POU2F1: variants seen among roughly 807,000 people sequenced by gnomAD.
POU2F1 encodes the protein POU domain, class 2, transcription factor 1.
A neutral mutation model predicts 84.9 loss-of-function variants in POU2F1; 16 were observed. That is an observed-to-expected ratio of 0.19 (90% CI 0.13 to 0.29). The LOEUF (loss-of-function observed/expected upper bound fraction) is 0.29, where lower values mean the gene tolerates loss of function less well. Among genes scored for constraint, POU2F1 ranks in the 10% least tolerant of loss-of-function variants. The probability of loss-of-function intolerance (pLI) is 1.00; values close to 1 mark genes in which losing one functional copy is unlikely to be tolerated. For missense variants in POU2F1, 738 were observed against 942.6 expected, an observed-to-expected ratio of 0.78 and a Z score of 2.84; for synonymous variants, 368 against 368.3, an observed-to-expected ratio of 1.00 and a Z score of 0.01.
In POU2F1 at chr1:167,411,943, CTGTT is replaced by C. The variant is rs768598064; in HGVS notation, c.1556-12_1556-9del. 6 of 1,599,566 alleles carry C rather than the reference CTGTT, an allele frequency of 3.8e-6. No homozygotes were observed. Among genetic ancestry groups the C allele is most frequent in the South Asian group, 1.1e-5 (1 of 89,066 alleles). ...CATTTACAAAAGGTCATCTTCTAATCTGTTTGTCTTTTCAGGCACTTCAGACACC... is the reference window on the plus strand; with the variant it reads ...CATTTACAAAAGGTCATCTTCTAATCTGTCTTTTCAGGCACTTCAGACACC... On this transcript the variant is annotated splice_polypyrimidine_tract_variant and intron_variant, in intron 13 of 15. Coordinates refer to ENST00000367866, the MANE Select transcript of POU2F1 (RefSeq NM_002697.4).
intron 1 of POU2F1, among the ~76,000 whole-genome samples, chr1:167,270,497 A>G (rs1652292194): frequency 6.6e-6 from 1 of 152,190 alleles, no homozygotes; most frequent in African/African-American, 2.4e-5. Flanking sequence ...TTGTCTGTGT[A>G]GGATGTTCTA....
chr1:167,222,514 T>C (rs888686872), intron 1 of POU2F1, among the ~76,000 whole-genome samples: 7 of 152,158 alleles, frequency 4.6e-5, no homozygotes, highest in African/African-American at 1.4e-4. Context: ...CGCAGGGCTC[T>C]GAGATCAAAC....
intron 1 of POU2F1, among the ~76,000 whole-genome samples, chr1:167,323,550 G>A (rs1021040403): frequency 2.0e-5 from 3 of 152,194 alleles, no homozygotes; most frequent in African/African-American, 7.2e-5. Context: ...CCTGTTTGAT[G>A]CACTATCTGA....
At chr1:167,223,519 G>A (rs1348665494) in intron 1 of POU2F1, among the ~76,000 whole-genome samples, 1 of 152,122 alleles carries the variant, frequency 6.6e-6, no homozygotes, top group African/African-American at 2.4e-5. Flanking sequence ...TATTAGAGGA[G>A]TGGGGTTTAA....
intron 1 of POU2F1, among the ~76,000 whole-genome samples, chr1:167,290,647 TTGAG>T (rs1557871865): frequency 2.0e-5 from 3 of 152,232 alleles, no homozygotes; most frequent in Non-Finnish European, 4.4e-5. Flanking sequence ...AAATTGTTTG[TTGAG>T]TGAGTGAATG....
intron 1 of POU2F1, among the ~76,000 whole-genome samples, chr1:167,250,738 A>G (rs944815603): frequency 2.6e-5 from 4 of 152,228 alleles, no homozygotes; most frequent in African/African-American, 9.6e-5. Flanking sequence ...AACAGAAGAA[A>G]CATATAAGGG....
chr1:167,410,944 ATATT>A (rs768394884), intron 13 of POU2F1, among the ~76,000 whole-genome samples: 21 of 152,196 alleles, frequency 1.4e-4, no homozygotes, highest in Non-Finnish European at 2.4e-4. Flanking sequence ...TAGTAATGAT[ATATT>A]TAATGTCAGT....
intron 1 of POU2F1, among the ~76,000 whole-genome samples, chr1:167,301,897 A>T (rs909142738): frequency 3.9e-5 from 6 of 151,942 alleles, no homozygotes; most frequent in Non-Finnish European, 7.4e-5. Flanking sequence ...ACAGATCAAA[A>T]TTTTTTAAGA....
At chr1:167,367,597 A>G (rs995156396) in intron 3 of POU2F1, among the ~76,000 whole-genome samples, 1 of 152,156 alleles carries the variant, frequency 6.6e-6, no homozygotes, top group African/African-American at 2.4e-5. Flanking sequence ...TTAACTTCCT[A>G]TTTTAAAAAA....
chr1:167,242,001 A>T (rs1246017764), intron 1 of POU2F1, among the ~76,000 whole-genome samples: 2 of 152,152 alleles, frequency 1.3e-5, no homozygotes, highest in East Asian at 1.9e-4. Flanking sequence ...TTAAGTGCCT[A>T]AAAAAATGCC....
chr1:167,232,944 A>T (rs1345018517), intron 1 of POU2F1, among the ~76,000 whole-genome samples: 1 of 151,900 alleles, frequency 6.6e-6, no homozygotes, highest in Non-Finnish European at 1.5e-5. Flanking sequence ...TGGTGTTTTT[A>T]AAGTGTATAG....
chr1:167,376,804 C>G (rs1660359595), intron 7 of POU2F1, among the ~76,000 whole-genome samples: 1 of 151,930 alleles, frequency 6.6e-6, no homozygotes, highest in Non-Finnish European at 1.5e-5. Context: ...TCATTCATTC[C>G]AAAATCTTTT....
chr1:167,394,320 CTGAA>C lies in POU2F1; in HGVS notation c.988-1961_988-1958del, dbSNP rs1341930042. ...ACAGTTGTGAGCCACCGTGCCCTGC[CTGAA>C]TGAAGTAACATTTTAATAAATATAT... On this transcript the variant is annotated intron_variant, in intron 9 of 15. Coordinates refer to ENST00000367866, the MANE Select transcript of POU2F1 (RefSeq NM_002697.4). 3.9e-5 allele frequency among the ~76,000 whole-genome samples: 6 copies of C among 152,072 alleles called. 1 individual carries two copies. The highest frequency in any genetic ancestry group is 5.9e-5 in the Non-Finnish European group (4 of 68,032).
chr1:167,409,576 CTTAT>C (rs1438951848), intron 13 of POU2F1, among the ~76,000 whole-genome samples: 1 of 152,118 alleles, frequency 6.6e-6, no homozygotes, highest in African/African-American at 2.4e-5. Context: ...TACCATAATG[CTTAT>C]TTATATAACA....
intron 13 of POU2F1, among the ~76,000 whole-genome samples, chr1:167,409,457 T>C (rs879026488): frequency 6.6e-6 from 1 of 152,218 alleles, no homozygotes; most frequent in Admixed American, 6.5e-5. Context: ...GTTACCCAAG[T>C]AATTAAATTG....
intron 1 of POU2F1, among the ~76,000 whole-genome samples, chr1:167,263,198 G>C (rs1026860414): frequency 6.6e-6 from 1 of 152,274 alleles, no homozygotes; most frequent in Non-Finnish European, 1.5e-5. Flanking sequence ...TGTAAGAAAA[G>C]ATATGTTTTT....
At chr1:167,241,203 C>G (rs1649875824) in intron 1 of POU2F1, among the ~76,000 whole-genome samples, 1 of 151,988 alleles carries the variant, frequency 6.6e-6, no homozygotes, top group Non-Finnish European at 1.5e-5. Context: ...GATAACTCTC[C>G]TCTCCTATTT....
At chr1:167,340,835 CAT>C in intron 2 of POU2F1, among the ~76,000 whole-genome samples, 1 of 152,122 alleles carries the variant, frequency 6.6e-6, no homozygotes, top group African/African-American at 2.4e-5. Flanking sequence ...ATAGAGAAAA[CAT>C]ATATGAAAAT....
intron 9 of POU2F1, 145 bp from the exon 10 acceptor site, chr1:167,396,140 GT>G: frequency 2.2e-6 from 2 of 909,328 alleles, no homozygotes; most frequent in Non-Finnish European, 3.4e-6. Flanking sequence ...TAGGGATGGA[GT>G]TTATGTGGGA....
Sources: gnomAD v4.1 joint callset for allele counts (sites outside exome capture counted in the v4.1 genomes callset) on GRCh38, gnomAD v4.1.1 for gene constraint, MANE v1.5 for transcripts, NCBI Gene and HGNC (gene_info 2026-07-23, HGNC 2026-07-21) for gene names.